PHGDH: variants seen among roughly 807,000 people sequenced by gnomAD.
PHGDH encodes phosphoglycerate dehydrogenase, also known as D-3-phosphoglycerate dehydrogenase.
A neutral mutation model predicts 52.6 loss-of-function variants in PHGDH; 50 were observed. That is an observed-to-expected ratio of 0.95 (90% CI 0.76 to 1.20). PHGDH has a LOEUF of 1.20. PHGDH is among the 50% of genes most tolerant of loss of function. PHGDH has a pLI of 0.00. For synonymous variants in PHGDH, 271 were observed against 280.5 expected, an observed-to-expected ratio of 0.97 and a Z score of 0.34; for missense variants, 630 against 684.6, an observed-to-expected ratio of 0.92 and a Z score of 0.89.
intron 3 of PHGDH, chr1:119,724,691 A>C (rs1371483773): frequency 2.4e-6 from 1 of 424,524 alleles, no homozygotes; most frequent in African/African-American, 2.1e-5. Context: ...AAGGGAAAAG[A>C]TCTCAATGTG....
intron 5 of PHGDH, among the ~76,000 whole-genome samples, chr1:119,730,226 A>G (rs1651632471): frequency 6.6e-6 from 1 of 152,246 alleles, no homozygotes; most frequent in African/African-American, 2.4e-5. Context: ...CCCAGACAGG[A>G]AATGAGGATA....
intron 7 of PHGDH, 121 bp downstream of exon 7, chr1:119,735,564 G>A (rs1160333965): frequency 1.9e-6 from 2 of 1,075,794 alleles, no homozygotes; most frequent in Admixed American, 2.0e-5. Context: ...TTCATCCATG[G>A]TAAAAGGAGA....
chr1:119,729,854 TG>T (rs1183986782), intron 5 of PHGDH: 3 of 152,008 alleles, frequency 2.0e-5, no homozygotes, highest in Non-Finnish European at 4.4e-5. Context: ...ATTCCCAGCA[TG>T]GTGTGGAGGG....
chr1:119,736,670 C>T (rs1054332999), intron 7 of PHGDH, among the ~76,000 whole-genome samples: 9 of 152,188 alleles, frequency 5.9e-5, no homozygotes, highest in African/African-American at 2.2e-4. Context: ...GGCACATCGA[C>T]AGCAAGTGCT....
chr1:119,727,972 C>T (rs765911653), intron 5 of PHGDH, among the ~76,000 whole-genome samples: 1 of 152,144 alleles, frequency 6.6e-6, no homozygotes, highest in Non-Finnish European at 1.5e-5. Flanking sequence ...GGGTGGTCCT[C>T]TGGGTGCACA....
At chr1:119,730,706 T>C (rs975711547) in intron 5 of PHGDH, among the ~76,000 whole-genome samples, 2 of 152,248 alleles carry the variant, frequency 1.3e-5, no homozygotes, top group South Asian at 2.1e-4. Flanking sequence ...TGTATAGATA[T>C]GGACTTTGGT....
At chr1:119,713,457 G>A (rs1469307448) in intron 1 of PHGDH, 1 of 152,366 alleles carries the variant, frequency 6.6e-6, no homozygotes, top group Admixed American at 6.5e-5. Flanking sequence ...CCTTCAAGAA[G>A]TTTGTAAGCT....
intron 5 of PHGDH, among the ~76,000 whole-genome samples, chr1:119,731,811 C>T (rs1420105200): frequency 2.6e-5 from 4 of 152,148 alleles, no homozygotes; most frequent in South Asian, 2.1e-4. Flanking sequence ...TGTGCCATGC[C>T]GGTATGCTTA....
At chr1:119,740,545 G>T in intron 9 of PHGDH, 27 bp downstream of exon 9, 1 of 1,539,950 alleles carries the variant, frequency 6.5e-7, no homozygotes, top group Non-Finnish European at 8.8e-7. Context: ...GCAGAGGGAG[G>T]GGGAGGAGGG....
In PHGDH at chr1:119,741,775, C is replaced by G; in HGVS notation, c.1087C>G (p.Leu363Val). The G allele has an allele frequency of 6.2e-7, 1 of 1,613,784 alleles. No individual in the cohort carries two copies. Among genetic ancestry groups the G allele is most frequent in the East Asian group, 2.2e-5 (1 of 44,876 alleles). The stretch of plus-strand genomic sequence containing the variant: ...CTTCTCTCTGTCCCCAGGAACATCC[C>G]TGAAGAATGCTGGGAACTGCCTAAG... ...TIQVITQGTS[L>V]KNAGNCLSPA... The change falls in exon 10 of 12, where the codon CTG becomes GTG. Residue 363 changes from leucine to valine, a missense_variant. Transcript: ENST00000641023.
intron 9 of PHGDH, among the ~76,000 whole-genome samples, chr1:119,740,792 C>A (rs953515062): frequency 6.6e-6 from 1 of 152,080 alleles, no homozygotes; most frequent in Non-Finnish European, 1.5e-5. Context: ...GAAACCTCTA[C>A]GAGAGAGAGA....
intron 9 of PHGDH, 25 bp downstream of exon 9, chr1:119,740,543 A>G (rs1426601104): frequency 6.5e-7 from 1 of 1,534,062 alleles, no homozygotes; most frequent in Non-Finnish European, 8.8e-7. Context: ...TTGCAGAGGG[A>G]GGGGGAGGAG....
intron 1 of PHGDH, among the ~76,000 whole-genome samples, chr1:119,718,544 T>G (rs1651024141): frequency 6.6e-6 from 1 of 152,236 alleles, no homozygotes; most frequent in African/African-American, 2.4e-5. Flanking sequence ...AGTTACAGTC[T>G]CAGAGTTAGC....
At chr1:119,721,350 G>C (rs774051999) in intron 2 of PHGDH, 29 bp downstream of exon 2, 6 of 1,608,842 alleles carry the variant, frequency 3.7e-6, no homozygotes, top group Non-Finnish European at 5.1e-6. Context: ...GGGCGGTTTG[G>C]GGGTAGGGGG....
At chr1:119,717,701 A>G (rs761509464) in intron 1 of PHGDH, among the ~76,000 whole-genome samples, 4 of 152,016 alleles carry the variant, frequency 2.6e-5, no homozygotes, top group Non-Finnish European at 5.9e-5. Flanking sequence ...TCTAGTGTCT[A>G]TTTAGTTCTG....
chr1:119,727,840 CAG>C (rs1651510479), intron 5 of PHGDH, among the ~76,000 whole-genome samples: 1 of 152,032 alleles, frequency 6.6e-6, no homozygotes, highest in South Asian at 2.1e-4. Context: ...TCTTAAAAAA[CAG>C]AAACAAAAAC....
rs748735709 is a variant in PHGDH at position 119,735,328 on chromosome 1, A to G, written c.677A>G (p.Lys226Arg). 2 of 1,614,206 alleles carry G rather than the reference A, an allele frequency of 1.2e-6. No individual in the cohort carries two copies. The highest frequency in any genetic ancestry group is 1.1e-5 in the South Asian group (1 of 91,088). Residue 226 changes from lysine (K) to arginine (R), a missense_variant, in exon 7 of 12, where the codon AAG becomes AGG. Coordinates refer to ENST00000641023, the MANE Select transcript of PHGDH (RefSeq NM_006623.4). Reference sequence around the variant, plus strand: ...AATGACAACACCTTTGCCCAGTGCAAGAAGGGGGTGCGTGTGGTGAACTGT... The same window carrying G: ...AATGACAACACCTTTGCCCAGTGCAGGAAGGGGGTGCGTGTGGTGAACTGT... ...LLNDNTFAQC[K>R]KGVRVVNCAR...
Position 119,737,141 on chromosome 1 carries a change from G to T in PHGDH, c.820G>T (p.Asp274Tyr). ...EEPPRDRALV[D>Y]HENVISCPHL... ...GCCGCCACGGGACCGGGCCTTGGTG[G>T]ACCATGAGAATGTCATCAGCTGTCC... is the stretch of plus-strand genomic sequence containing the variant. Residue 274 changes from aspartate to tyrosine, a missense_variant, in exon 8 of 12, where the codon GAC becomes TAC. Physicochemically the swap from Asp to Tyr is radical, Grantham distance 160 (BLOSUM62 -3). Transcript: ENST00000641023. The T allele has an allele frequency of 6.2e-7, 1 of 1,614,194 alleles. No individual in the cohort carries two copies. Among genetic ancestry groups the T allele is most frequent in the Middle Eastern group, 1.6e-4 (1 of 6,062 alleles).
intron 5 of PHGDH, among the ~76,000 whole-genome samples, chr1:119,731,858 C>T (rs928605753): frequency 7.9e-5 from 12 of 152,178 alleles, no homozygotes; most frequent in African/African-American, 2.4e-4. Context: ...GGATGGGCAG[C>T]TCCTATCTCA....
Sources: allele counts gnomAD v4.1 joint callset (sites outside exome capture counted in the v4.1 genomes callset), GRCh38; gene constraint gnomAD v4.1.1; transcripts MANE v1.5; gene names NCBI Gene and HGNC (gene_info 2026-07-23, HGNC 2026-07-21).